RFX2: variants seen among roughly 807,000 people sequenced by gnomAD.
RFX2 encodes the protein regulatory factor X2.
A neutral mutation model predicts 87.8 loss-of-function variants in RFX2; 20 were observed. That is an observed-to-expected ratio of 0.23 (90% confidence interval 0.16 to 0.33). The LOEUF (loss-of-function observed/expected upper bound fraction) is 0.33, where lower values mean the gene tolerates loss of function less well. Among genes scored for constraint, RFX2 ranks in the 10% least tolerant of loss-of-function variants. The pLI is 1.00. For missense variants in RFX2, 767 were observed against 1,012.3 expected (o/e 0.76, Z 3.29); for synonymous variants, 397 against 431.3 (o/e 0.92, Z 0.98).
chr19:6,028,900 C>A (rs1742388067), intron 5 of RFX2, among the ~76,000 whole-genome samples: 1 of 151,918 alleles, frequency 6.6e-6, no homozygotes, highest in South Asian at 2.1e-4. Flanking sequence ...CATGGTGAAA[C>A]CCTGTCTCTA....
At chr19:6,052,364 T>G (rs2144789115) in intron 1 of RFX2, among the ~76,000 whole-genome samples, 1 of 152,310 alleles carries the variant, frequency 6.6e-6, no homozygotes, top group South Asian at 2.1e-4. Flanking sequence ...ATGTACCTAG[T>G]AATACAGCTT....
At position 6,022,592 on chromosome 19, in the gene RFX2, A is replaced by C. The variant is rs2086830781; in HGVS notation, c.597+3571T>G. Among the ~76,000 whole-genome samples, 1 of 152,156 alleles carries C rather than the reference A, an allele frequency of 6.6e-6. No individual in the cohort carries two copies. Among genetic ancestry groups the C allele is most frequent in the Non-Finnish European group, 1.5e-5 (1 of 68,014 alleles). ...TCTGCTCAAGTCGGTGGCCTGCCAC[A>C]CCCGGTCGGGTGAAGACATGTTTCA... On this transcript the variant is annotated intron_variant, in intron 6 of 17. Coordinates refer to ENST00000303657, the MANE Select transcript of RFX2 (RefSeq NM_000635.4). The surrounding 1 kb of genome is among the most constrained non-coding windows in gnomAD (Gnocchi z 6.2).
Position 6,045,643 on chromosome 19 carries a change from T to C in RFX2, c.91-1361A>G, listed in dbSNP as rs1279013232. 6.6e-6 allele frequency among the ~76,000 whole-genome samples: 1 copy of C among 152,070 alleles called. No individual in the cohort carries two copies. The highest frequency in any genetic ancestry group is 1.5e-5 in the Non-Finnish European group (1 of 68,014). On this transcript the variant is annotated intron_variant, in intron 2 of 17. Transcript: ENST00000303657. The surrounding 1 kb of genome is among the most constrained non-coding windows in gnomAD (Gnocchi z 5.2). ...AACCGCTTCACTGTCTGCCTTTTTGTTTTTGCGGAATTGTGTTTTTTTGTT... is the reference window on the plus strand; with the variant it reads ...AACCGCTTCACTGTCTGCCTTTTTGCTTTTGCGGAATTGTGTTTTTTTGTT...
chr19:6,008,271 C>T (rs2086613201), intron 9 of RFX2, 47 bp from the exon 10 acceptor site: 3 of 1,287,584 alleles, frequency 2.3e-6, no homozygotes, highest in African/African-American at 2.9e-5. Context: ...GCTCTTAGGA[C>T]ACCGTGGACA....
At chr19:6,048,742 GAA>G (rs1427839549) in intron 1 of RFX2, among the ~76,000 whole-genome samples, 1 of 152,226 alleles carries the variant, frequency 6.6e-6, no homozygotes, top group Non-Finnish European at 1.5e-5. Flanking sequence ...TTTTAAAAAT[GAA>G]AAGTCAAACT....
rs1301134650 is a variant in RFX2, at chr19:5,994,783, G to C, written c.*52C>G. 8.2e-7 allele frequency: 1 copy of C among 1,216,214 alleles called. No individual in the cohort carries two copies. Among genetic ancestry groups the C allele is most frequent in the African/African-American group, 1.5e-5 (1 of 67,468 alleles). The allele number at this position is 1,216,214 out of a possible 1,614,324, so 75.3% of individuals were successfully genotyped here. Reference sequence around the variant, plus strand: ...GGAGCCGGTGAAATCCAGGTTCCCAGAGTGACCAGGCGGCATCTTTTGGAA... The same window carrying C: ...GGAGCCGGTGAAATCCAGGTTCCCACAGTGACCAGGCGGCATCTTTTGGAA... On this transcript the variant is annotated 3_prime_UTR_variant, in exon 18 of 18. Coordinates refer to ENST00000303657, the MANE Select transcript of RFX2 (RefSeq NM_000635.4).
intron 5 of RFX2, among the ~76,000 whole-genome samples, chr19:6,031,419 T>G (rs1454456938): frequency 7.7e-6 from 1 of 129,698 alleles, no homozygotes; most frequent in Non-Finnish European, 1.6e-5. Context: ...TTTCTTCTCC[T>G]TCCCTTTTTT....
rs755571424 is a variant in RFX2 at position 6,007,028 on chromosome 19, C to T, written c.1386G>A (p.Val462=). The T allele has an allele frequency of 8.1e-6, 13 of 1,613,934 alleles. No individual in the cohort carries two copies. Among genetic ancestry groups the T allele is most frequent in the Non-Finnish European group, 1.0e-5 (12 of 1,180,006 alleles). ...QALVEILIPD[V]LRPVPSTLTQ... is the part of the protein sequence containing the mutation. ...GTCACTTACTGGGGACCGGCCTCAGCACGTCGGGGATGAGAATCTCCACCA... is the reference window on the plus strand; with the variant it reads ...GTCACTTACTGGGGACCGGCCTCAGTACGTCGGGGATGAGAATCTCCACCA... Residue 462 remains valine, a synonymous_variant, in exon 12 of 18, where the codon GTG becomes GTA. Coordinates refer to ENST00000303657, the MANE Select transcript of RFX2 (RefSeq NM_000635.4). The surrounding 1 kb of genome is among the most constrained non-coding windows in gnomAD (Gnocchi z 8.2).
chr19:6,037,623 C>A (rs542193643), intron 5 of RFX2, among the ~76,000 whole-genome samples: 2 of 152,282 alleles, frequency 1.3e-5, no homozygotes, highest in South Asian at 4.1e-4. Flanking sequence ...GCAAATTAGT[C>A]AAAATCTCAG....
chr19:6,037,944 A>G (rs2087046197), intron 5 of RFX2, among the ~76,000 whole-genome samples: 1 of 152,152 alleles, frequency 6.6e-6, no homozygotes, highest in Admixed American at 6.6e-5. Flanking sequence ...AGAACAACAC[A>G]TTGTTTCATA....
At chr19:6,095,953 C>T (rs1008649511) in intron 1 of RFX2, among the ~76,000 whole-genome samples, 2 of 152,216 alleles carry the variant, frequency 1.3e-5, no homozygotes, top group Non-Finnish European at 2.9e-5. Context: ...CGGCCAGGCC[C>T]AAGCTCTCAC....
At chr19:6,068,705 C>A (rs992578973) in intron 1 of RFX2, among the ~76,000 whole-genome samples, 3 of 152,140 alleles carry the variant, frequency 2.0e-5, no homozygotes, top group African/African-American at 7.2e-5. Flanking sequence ...CTGAGTGAAC[C>A]AGAAGGCAAG....
At chr19:6,082,274 A>G (rs1486249435) in intron 1 of RFX2, among the ~76,000 whole-genome samples, 1 of 146,766 alleles carries the variant, frequency 6.8e-6, no homozygotes, top group Non-Finnish European at 1.5e-5. Flanking sequence ...AGCCTGGGCA[A>G]CAGAGTAAGA....
intron 13 of RFX2, among the ~76,000 whole-genome samples, chr19:6,003,778 CAAAAAAAAAA>C (rs57470328): frequency 3.3e-4 from 14 of 41,966 alleles, no homozygotes; most frequent in African/African-American, 5.9e-4. Context: ...GACTCTGTCT[CAAAAAAAAAA>C]AAAAAAAAAA....
At chr19:6,093,514 G>A (rs937810373) in intron 1 of RFX2, among the ~76,000 whole-genome samples, 5 of 152,082 alleles carry the variant, frequency 3.3e-5, no homozygotes, top group South Asian at 2.1e-4. Context: ...CAGCCTGGGC[G>A]ACAGAGCAAG....
chr19:6,078,698 C>T (rs989362594), intron 1 of RFX2, among the ~76,000 whole-genome samples: 2 of 152,194 alleles, frequency 1.3e-5, no homozygotes, highest in African/African-American at 2.4e-5. Flanking sequence ...GACAGAAAGA[C>T]GAAAAGAGAA....
intron 1 of RFX2, among the ~76,000 whole-genome samples, chr19:6,055,995 T>TAA (rs140407047): frequency 6.9e-6 from 1 of 145,698 alleles, no homozygotes; most frequent in African/African-American, 2.5e-5. Flanking sequence ...AAACTAAAGT[T>TAA]AAAAAAAAAT....
intron 5 of RFX2, among the ~76,000 whole-genome samples, chr19:6,034,642 AT>A: frequency 6.6e-6 from 1 of 152,194 alleles, no homozygotes; most frequent in Admixed American, 6.5e-5. Context: ...TATTACAGGC[AT>A]GAGCCACTGT....
intron 7 of RFX2, among the ~76,000 whole-genome samples, chr19:6,014,328 C>A (rs1237815650): frequency 2.6e-5 from 4 of 152,140 alleles, no homozygotes; most frequent in Non-Finnish European, 5.9e-5. Flanking sequence ...CCCTCTCTCC[C>A]AGGTTCAAGA....
Sources: allele counts gnomAD v4.1 joint callset (sites outside exome capture counted in the v4.1 genomes callset), GRCh38; gene constraint gnomAD v4.1.1; non-coding constraint Gnocchi (gnomAD v3.1); transcripts MANE v1.5; gene names NCBI Gene and HGNC (gene_info 2026-07-23, HGNC 2026-07-21).